SLC5A1: variants seen among roughly 807,000 people sequenced by gnomAD.
The protein encoded by SLC5A1 is solute carrier family 5 member 1.
A neutral mutation model predicts 73.5 loss-of-function variants in SLC5A1; 42 were observed. The ratio of observed to expected loss-of-function variants is 0.57; its 90% CI spans 0.45 to 0.74. SLC5A1 has a LOEUF of 0.74. Ranked by LOEUF, SLC5A1 falls within the 30% of genes least tolerant of loss-of-function variation. The pLI is 0.00. For synonymous variants in SLC5A1, 300 were observed against 317.4 expected, an observed-to-expected ratio of 0.95 and a Z score of 0.58; for missense variants, 634 against 855.4, an observed-to-expected ratio of 0.74 and a Z score of 3.23.
intron 1 of SLC5A1, among the ~76,000 whole-genome samples, chr22:32,044,777 T>G (rs915903517): frequency 6.6e-6 from 1 of 152,064 alleles, no homozygotes; most frequent in Non-Finnish European, 1.5e-5. Context: ...TTCTAATGAC[T>G]CCCCCATGGT....
Position 32,043,337 on chromosome 22 carries a change from C to A in SLC5A1, c.56C>A (p.Thr19Asn). Residue 19 changes from threonine (T) to asparagine (N), a missense_variant, in exon 1 of 15, where the codon ACC (threonine) becomes AAC (asparagine). Physicochemically the swap from Thr to Asn is moderately conservative, Grantham distance 65 (BLOSUM62 0). Around this residue, in one of 3 missense-constraint regions of SLC5A1, gnomAD observed 51 missense variants for 50.5 expected, o/e 1.01. Transcript: ENST00000266088. The surrounding 1 kb of genome is among the most constrained non-coding windows in gnomAD (Gnocchi z 6.5). Reference protein sequence around the residue: ...KTTAVTRPVETHELIRNAADI... With the variant: ...KTTAVTRPVENHELIRNAADI... ...ACCGCGGTCACCCGGCCTGTTGAGACCCACGAGCTCATTCGCAATGCAGCC... is the reference window on the plus strand; with the variant it reads ...ACCGCGGTCACCCGGCCTGTTGAGAACCACGAGCTCATTCGCAATGCAGCC... 1 of 1,614,186 alleles carries A rather than the reference C, an allele frequency of 6.2e-7. No individual in the cohort carries two copies. The highest frequency in any genetic ancestry group is 2.2e-5 in the East Asian group (1 of 44,888).
chr22:32,100,359 C>T (rs1281023666), intron 12 of SLC5A1, among the ~76,000 whole-genome samples: 2 of 152,142 alleles, frequency 1.3e-5, no homozygotes, highest in African/African-American at 4.8e-5. Flanking sequence ...TCTAGGACTT[C>T]CAGTACTATG....
chr22:32,075,070 C>CTTTTTT (rs1045791303), intron 5 of SLC5A1, among the ~76,000 whole-genome samples: 2 of 107,684 alleles, frequency 1.9e-5, no homozygotes, highest in African/African-American at 3.4e-5. Flanking sequence ...CTATTTTTTA[C>CTTTTTT]TTTTTTTTTT....
rs1603115095 is a variant in SLC5A1, at chr22:32,066,855, A to G, written c.208-80A>G. 8.3e-6 allele frequency: 8 copies of G among 959,046 alleles called. No individual in the cohort carries two copies. In the East Asian group the frequency reaches 1.9e-4, roughly 23 times the overall value. 59.4% of individuals were successfully genotyped at this position (959,046 alleles called of 1,614,324 possible). A position where few individuals can be genotyped will look rare whatever the true frequency, so the allele number is the denominator to read the frequency against. On this transcript the variant is annotated intron_variant, in intron 2 of 14. Coordinates refer to ENST00000266088, the MANE Select transcript of SLC5A1 (RefSeq NM_000343.4). ...CTTTCTTGTCCTTCTCTTGGCTGAC[A>G]TGTCTCCTCTCTCTTTGACCCACTC...
rs189386742 is a variant in SLC5A1, at chr22:32,073,210, T to C, written c.477+4610T>C. ...CTTTGATCCATTGTGAGTTAATTTA[T>C]GTATATGGTATGGCCATGTGCCACC... On this transcript the variant is annotated intron_variant, in intron 5 of 14. Transcript: ENST00000266088. Among the ~76,000 whole-genome samples the C allele has an allele frequency of 3.9e-3, 595 of 152,356 alleles. 3 individuals are homozygous for C. Among genetic ancestry groups the C allele is most frequent in the Non-Finnish European group, 6.9e-3 (470 of 68,020 alleles).
At chr22:32,102,800 C>T (rs2094038820) in intron 13 of SLC5A1, among the ~76,000 whole-genome samples, 1 of 152,132 alleles carries the variant, frequency 6.6e-6, no homozygotes, top group Non-Finnish European at 1.5e-5. Flanking sequence ...CTTTTAGCTC[C>T]TATATATGGT....
chr22:32,080,368 T>C (rs1000727725), intron 5 of SLC5A1, among the ~76,000 whole-genome samples: 1 of 152,066 alleles, frequency 6.6e-6, no homozygotes, highest in Non-Finnish European at 1.5e-5. Flanking sequence ...CTCAGAAGCA[T>C]GGAGTTGGTA....
intron 5 of SLC5A1, among the ~76,000 whole-genome samples, chr22:32,078,881 G>A (rs2093995020): frequency 6.7e-6 from 1 of 148,424 alleles, no homozygotes; most frequent in African/African-American, 2.5e-5. Flanking sequence ...CTTGAACCTG[G>A]GAGATGGAGG....
intron 11 of SLC5A1, among the ~76,000 whole-genome samples, chr22:32,098,494 A>G (rs999523785): frequency 1.3e-5 from 2 of 152,246 alleles, no homozygotes; most frequent in African/African-American, 4.8e-5. Context: ...TATGTCACAC[A>G]GAAATAATAA....
chr22:32,083,218 G>A (rs2094002783), intron 7 of SLC5A1, 64 bp downstream of exon 7: 1 of 1,374,814 alleles, frequency 7.3e-7, no homozygotes, highest in Admixed American at 1.8e-5. Context: ...GGAAGAGGAA[G>A]GCAAGTCCAG....
chr22:32,096,746 G>A lies in SLC5A1; in HGVS notation c.1281-2437G>A, dbSNP rs192729998. Among the ~76,000 whole-genome samples the A allele has an allele frequency of 1.2e-3, 179 of 152,276 alleles. 2 individuals are homozygous for A. The South Asian group carries it at 0.016, about 14-fold the overall frequency. On this transcript the variant is annotated intron_variant, in intron 11 of 14. Coordinates refer to ENST00000266088, the MANE Select transcript of SLC5A1 (RefSeq NM_000343.4). ...GGAGCCTTGCTTGTTTTTCTATGGGGCTAATGCAGGTCAACCTCCTTAGGG... is the reference window on the plus strand; with the variant it reads ...GGAGCCTTGCTTGTTTTTCTATGGGACTAATGCAGGTCAACCTCCTTAGGG...
intron 1 of SLC5A1, among the ~76,000 whole-genome samples, chr22:32,049,104 A>C (rs2093941090): frequency 6.9e-6 from 1 of 145,828 alleles, no homozygotes. Flanking sequence ...ATATATATAT[A>C]TATATATAAT....
chr22:32,091,295 AC>A (rs1329850498), intron 10 of SLC5A1, among the ~76,000 whole-genome samples: 6 of 110,348 alleles, frequency 5.4e-5, no homozygotes, highest in African/African-American at 2.4e-4. Context: ...ACACACATAC[AC>A]AAACACACAC....
intron 2 of SLC5A1, among the ~76,000 whole-genome samples, chr22:32,056,721 C>T (rs898488750): frequency 3.3e-5 from 5 of 152,164 alleles, no homozygotes; most frequent in African/African-American, 1.2e-4. Flanking sequence ...AGGAAGCCAT[C>T]TCCAGAATTC....
intron 10 of SLC5A1, among the ~76,000 whole-genome samples, chr22:32,086,994 A>G (rs1322790076): frequency 1.3e-5 from 2 of 152,218 alleles, no homozygotes; most frequent in African/African-American, 4.8e-5. Flanking sequence ...ATGTTTAGTG[A>G]AATACTTTAG....
intron 10 of SLC5A1, among the ~76,000 whole-genome samples, chr22:32,086,538 T>C (rs568082879): frequency 1.8e-4 from 27 of 152,364 alleles, no homozygotes; most frequent in Admixed American, 1.4e-3. Context: ...CTATGAGTTC[T>C]GGGACTTGCC....
intron 11 of SLC5A1, among the ~76,000 whole-genome samples, chr22:32,095,942 G>A (rs1021048630): frequency 6.6e-6 from 1 of 152,216 alleles, no homozygotes. Context: ...AGGTTCCCCA[G>A]TGAGGGTCTG....
intron 7 of SLC5A1, among the ~76,000 whole-genome samples, chr22:32,083,891 G>A (rs1166570744): frequency 6.6e-6 from 1 of 152,204 alleles, no homozygotes; most frequent in Non-Finnish European, 1.5e-5. Context: ...AGCTAGGCAG[G>A]CAGTGGAATG....
chr22:32,079,706 C>T (rs1407949248), intron 5 of SLC5A1, among the ~76,000 whole-genome samples: 1 of 152,114 alleles, frequency 6.6e-6, no homozygotes, highest in Non-Finnish European at 1.5e-5. Flanking sequence ...GTGCATTTAA[C>T]AGAATTTCAC....
Sources: gnomAD v4.1 joint callset for allele counts (sites outside exome capture counted in the v4.1 genomes callset) on GRCh38, gnomAD v4.1.1 for gene constraint, gnomAD v4.1.1 regional missense constraint, Gnocchi (gnomAD v3.1) non-coding constraint, MANE v1.5 for transcripts, NCBI Gene and HGNC (gene_info 2026-07-23, HGNC 2026-07-21) for gene names.